Variants in INSL6 observed in about 807,000 individuals in gnomAD.
The protein encoded by INSL6 is insulin-like peptide INSL6.
In INSL6, 16 loss-of-function variants were observed where a neutral mutation model predicts 9.4. That is an observed-to-expected ratio of 1.70 (90% CI 1.15 to 2.59). INSL6 has a LOEUF of 2.59. Ranked by LOEUF, INSL6 falls within the 30% of genes most tolerant of loss-of-function variation. The pLI is 0.00. For synonymous variants in INSL6, 154 were observed against 96.9 expected (o/e 1.59, Z -3.46); for missense variants, 391 against 257.3 (o/e 1.52, Z -3.56).
At chr9:5,005,776 A>T in the INSL6 span, among the ~76,000 whole-genome samples, 2 of 152,204 alleles carry the variant, frequency 1.3e-5, no homozygotes, top group African/African-American at 2.4e-5. Flanking sequence ...CAGCAAAGTC[A>T]CTGGGCATTA....
chr9:5,124,370 C>T (rs1357739739), exon 4 of INSL6, among the ~76,000 whole-genome samples: 5 of 151,540 alleles, frequency 3.3e-5, no homozygotes, highest in Non-Finnish European at 1.5e-5. Context: ...TGTAATCGAT[C>T]GAGTTAATTT....
chr9:5,060,978 T>G, the INSL6 span, among the ~76,000 whole-genome samples: 1 of 152,238 alleles, frequency 6.6e-6, no homozygotes, highest in Non-Finnish European at 1.5e-5. Flanking sequence ...CTTGTACATC[T>G]CTGTCAGAGC....
chr9:5,135,671 G>C (rs913324786), intron 2 of INSL6, among the ~76,000 whole-genome samples: 1 of 152,054 alleles, frequency 6.6e-6, no homozygotes, highest in African/African-American at 2.4e-5. Context: ...GAGAAAGCAG[G>C]AAAGAGCTAA....
At chr9:5,166,457 GA>G (rs1825053997) in intron 1 of INSL6, among the ~76,000 whole-genome samples, 1 of 151,136 alleles carries the variant, frequency 6.6e-6, no homozygotes, top group African/African-American at 2.4e-5. Flanking sequence ...GACTAATCAG[GA>G]ACAAAAAAGA....
chr9:5,113,009 A>T, the INSL6 span, among the ~76,000 whole-genome samples: 1 of 152,028 alleles, frequency 6.6e-6, no homozygotes, highest in South Asian at 2.1e-4. Flanking sequence ...TGATGGGGGC[A>T]AGGAAGGTGA....
intron 3 of INSL6, chr9:5,126,832 A>C (rs1341764469): frequency 3.9e-6 from 5 of 1,268,494 alleles, no homozygotes; most frequent in Non-Finnish European, 5.7e-6. Context: ...AGATTTACAG[A>C]ACAAAGTTTT....
At chr9:5,159,850 T>C (rs1280867113), downstream of INSL6, among the ~76,000 whole-genome samples, 1 of 152,196 alleles carries the variant, frequency 6.6e-6, no homozygotes, top group East Asian at 1.9e-4. Flanking sequence ...TACATTTCTC[T>C]CCTCAGCATG....
chr9:5,150,755 C>G (rs745891402), intron 2 of INSL6, among the ~76,000 whole-genome samples: 6 of 151,846 alleles, frequency 4.0e-5, no homozygotes, highest in Non-Finnish European at 8.8e-5. Flanking sequence ...CAAAAAGATA[C>G]CTGTATTTGC....
At chr9:5,101,625 G>A in the INSL6 span, among the ~76,000 whole-genome samples, 3 of 152,244 alleles carry the variant, frequency 2.0e-5, no homozygotes, top group East Asian at 5.8e-4. Flanking sequence ...CCTCCCAGTA[G>A]AGGCCAACTG....
At chr9:5,044,999 C>G in the INSL6 span, among the ~76,000 whole-genome samples, 1 of 152,298 alleles carries the variant, frequency 6.6e-6, no homozygotes, top group East Asian at 1.9e-4. Flanking sequence ...GATGTTGATA[C>G]TTAGTCTAAG....
At chr9:5,096,416 C>T in the INSL6 span, among the ~76,000 whole-genome samples, 6 of 152,254 alleles carry the variant, frequency 3.9e-5, no homozygotes, top group Non-Finnish European at 5.9e-5. Flanking sequence ...CTTGCTAGAT[C>T]GGTGGAATTC....
intron 1 of INSL6, among the ~76,000 whole-genome samples, chr9:5,172,937 A>G (rs965541791): frequency 1.3e-5 from 2 of 152,142 alleles, no homozygotes; most frequent in Non-Finnish European, 2.9e-5. Flanking sequence ...CAAAAGAAAA[A>G]AAAAAAGAGT....
downstream of INSL6, among the ~76,000 whole-genome samples, chr9:5,161,272 G>A (rs553718301): frequency 6.0e-4 from 92 of 152,236 alleles, no homozygotes; most frequent in African/African-American, 2.0e-3. Context: ...ATGCAAGAAC[G>A]GTTCAACATT....
intron 3 of INSL6, among the ~76,000 whole-genome samples, chr9:5,129,717 A>G (rs1024001233): frequency 1.3e-5 from 2 of 152,138 alleles, no homozygotes; most frequent in African/African-American, 4.8e-5. Flanking sequence ...CAAGATAACT[A>G]GCTGCTAAGC....
the INSL6 span, chr9:5,050,722 C>A: frequency 6.2e-7 from 1 of 1,613,522 alleles, no homozygotes; most frequent in African/African-American, 1.3e-5. Flanking sequence ...GATAAAAGTA[C>A]CTGTGACTCA....
the INSL6 span, among the ~76,000 whole-genome samples, chr9:5,030,080 T>C: frequency 0.096 from 14,626 of 152,274 alleles, 2,117 homozygotes; most frequent in African/African-American, 0.32. Flanking sequence ...AAACTGTTTA[T>C]ACATGTTGTG....
chr9:5,126,396 C>T (rs377212884), intron 3 of INSL6: 4 of 1,610,480 alleles, frequency 2.5e-6, no homozygotes, highest in Middle Eastern at 1.6e-4. Context: ...TTTGATAGAA[C>T]TTTTGAAGAA....
chr9:5,044,636 C>G, the INSL6 span: 2 of 589,252 alleles, frequency 3.4e-6, no homozygotes, highest in East Asian at 3.0e-5. Context: ...CTGTCTTGCA[C>G]AGCAGGTGCA....
At chr9:5,036,990 T>C in the INSL6 span, among the ~76,000 whole-genome samples, 13 of 152,114 alleles carry the variant, frequency 8.5e-5, no homozygotes, top group South Asian at 2.1e-4. Flanking sequence ...ATCCAGAATA[T>C]ACAATGAACT....
Sources: allele counts gnomAD v4.1 joint callset (sites outside exome capture counted in the v4.1 genomes callset), GRCh38; gene constraint gnomAD v4.1.1; transcripts MANE v1.5; gene names NCBI Gene and HGNC (gene_info 2026-07-23, HGNC 2026-07-21).